DGKB: variants seen among roughly 807,000 people sequenced by gnomAD.
The protein encoded by DGKB is 90 kDa diacylglycerol kinase.
DGKB carries 67 observed loss-of-function variants against 114.3 expected under a neutral mutation model. The observed-to-expected ratio is 0.59, with a 90% CI of 0.48 to 0.72. DGKB has a LOEUF of 0.72. Among genes scored for constraint, DGKB ranks in the 30% least tolerant of loss-of-function variants. The pLI, the probability that DGKB is intolerant of heterozygous loss-of-function variation, is 0.00. For synonymous variants in DGKB, 398 were observed against 323.1 expected, an observed-to-expected ratio of 1.23 and a Z score of -2.49; for missense variants, 907 against 975.2, an observed-to-expected ratio of 0.93 and a Z score of 0.93.
intron 23 of DGKB, among the ~76,000 whole-genome samples, chr7:14,183,835 GAGC>G (rs1562557875): frequency 6.6e-6 from 1 of 152,180 alleles, no homozygotes; most frequent in Non-Finnish European, 1.5e-5. Flanking sequence ...GCTCCAGACA[GAGC>G]AGCTCGCATT....
At chr7:14,496,016 A>G (rs1428918928) in intron 20 of DGKB, among the ~76,000 whole-genome samples, 3 of 151,828 alleles carry the variant, frequency 2.0e-5, no homozygotes, top group African/African-American at 7.2e-5. Flanking sequence ...AATTCTAATC[A>G]ATATACTTTT....
intron 1 of DGKB, among the ~76,000 whole-genome samples, chr7:14,973,784 T>A (rs1320757288): frequency 1.3e-5 from 2 of 148,968 alleles, no homozygotes; most frequent in African/African-American, 4.9e-5. Context: ...CCAAAATAAA[T>A]AGTAAAATTT....
chr7:14,512,149 A>G (rs1156242154), intron 20 of DGKB, among the ~76,000 whole-genome samples: 1 of 152,258 alleles, frequency 6.6e-6, no homozygotes, highest in Non-Finnish European at 1.5e-5. Context: ...CCTTCAATTT[A>G]TAAAAAGCAC....
intron 1 of DGKB, among the ~76,000 whole-genome samples, chr7:14,845,250 G>T (rs1489660520): frequency 6.6e-6 from 1 of 151,914 alleles, no homozygotes; most frequent in Non-Finnish European, 1.5e-5. Context: ...TGCTAACCAT[G>T]TATCAAGGCT....
At chr7:14,789,734 T>A (rs1010712196) in intron 2 of DGKB, among the ~76,000 whole-genome samples, 3 of 152,134 alleles carry the variant, frequency 2.0e-5, no homozygotes, top group Non-Finnish European at 2.9e-5. Context: ...TAAAAAAAAA[T>A]TTTGCAGAGT....
At chr7:14,673,160 A>T (rs1819269779) in intron 12 of DGKB, 133 bp from the exon 13 acceptor site, 1 of 571,470 alleles carries the variant, frequency 1.7e-6, no homozygotes, top group Non-Finnish European at 3.0e-6. Context: ...AAATAAACAG[A>T]GTCATAAAGG....
In DGKB at chr7:14,524,390, C is replaced by T. The variant is rs76442608; in HGVS notation, c.1771-46165G>A. On this transcript the variant is annotated intron_variant, in intron 20 of 25. Coordinates refer to ENST00000402815, the MANE Select transcript of DGKB (RefSeq NM_001350709.2). ...CTTGCCAGGCTACTGAACTATCCCC[C>T]GTCTCTTGGGCTATCTTCAAACCCT... is the stretch of plus-strand genomic sequence containing the variant. Among the ~76,000 whole-genome samples the T allele has an allele frequency of 5.3e-3, 804 of 152,278 alleles. 6 individuals are homozygous for T. The highest frequency in any genetic ancestry group is 0.017 in the Middle Eastern group (5 of 294).
At chr7:14,829,022 A>C (rs980304932) in intron 2 of DGKB, among the ~76,000 whole-genome samples, 1 of 152,040 alleles carries the variant, frequency 6.6e-6, no homozygotes, top group African/African-American at 2.4e-5. Context: ...AAAAAAATAG[A>C]AATGGTTCAC....
intron 21 of DGKB, among the ~76,000 whole-genome samples, chr7:14,477,812 AC>A (rs1436548794): frequency 6.6e-6 from 1 of 152,090 alleles, no homozygotes; most frequent in African/African-American, 2.4e-5. Context: ...TCAAATCAGA[AC>A]CCTGTGTTTT....
intron 23 of DGKB, among the ~76,000 whole-genome samples, chr7:14,318,685 G>C (rs1045854343): frequency 2.6e-5 from 4 of 152,012 alleles, no homozygotes; most frequent in African/African-American, 9.7e-5. Context: ...TTACACTGTT[G>C]GTGGGACTGT....
intron 21 of DGKB, among the ~76,000 whole-genome samples, chr7:14,357,738 T>C (rs1814858809): frequency 1.3e-5 from 2 of 152,206 alleles, no homozygotes; most frequent in Non-Finnish European, 2.9e-5. Context: ...CTGATACCGG[T>C]TGTTCCTTTC....
At chr7:14,288,059 T>C (rs1481448179) in intron 23 of DGKB, among the ~76,000 whole-genome samples, 1 of 152,060 alleles carries the variant, frequency 6.6e-6, no homozygotes, top group African/African-American at 2.4e-5. Context: ...CTTGAGATGC[T>C]TATGGTTCTT....
At chr7:14,772,248 T>G (rs1241511378) in intron 2 of DGKB, among the ~76,000 whole-genome samples, 2 of 152,168 alleles carry the variant, frequency 1.3e-5, no homozygotes, top group African/African-American at 2.4e-5. Context: ...ATAAATCTCT[T>G]AAAACATTTT....
intron 1 of DGKB, among the ~76,000 whole-genome samples, chr7:14,859,765 T>A (rs931384484): frequency 1.3e-5 from 2 of 152,132 alleles, no homozygotes; most frequent in African/African-American, 4.8e-5. Context: ...TATCTCCCCG[T>A]ACCTCCTTCC....
intron 21 of DGKB, among the ~76,000 whole-genome samples, chr7:14,397,909 G>A (rs1414768517): frequency 2.0e-5 from 3 of 151,916 alleles, no homozygotes; most frequent in Non-Finnish European, 4.4e-5. Context: ...CAAGGAACTG[G>A]GAGTCTTCTC....
chr7:14,890,809 C>T (rs1781089977), intron 1 of DGKB, among the ~76,000 whole-genome samples: 1 of 150,788 alleles, frequency 6.6e-6, no homozygotes, highest in Non-Finnish European at 1.5e-5. Context: ...ACGTTCATCC[C>T]TCCTCTTTAT....
At chr7:14,663,088 A>T (rs539003128) in intron 13 of DGKB, among the ~76,000 whole-genome samples, 2 of 152,038 alleles carry the variant, frequency 1.3e-5, no homozygotes, top group Non-Finnish European at 2.9e-5. Flanking sequence ...AGCTCGCTTC[A>T]TATCACAAAA....
At chr7:14,906,146 A>G (rs1200003660), upstream of DGKB, among the ~76,000 whole-genome samples, 1 of 152,054 alleles carries the variant, frequency 6.6e-6, no homozygotes, top group African/African-American at 2.4e-5. Flanking sequence ...AGAAATTCAC[A>G]GCTCTCTCTC....
chr7:14,919,695 G>A (rs1784423221), intron 1 of DGKB, among the ~76,000 whole-genome samples: 2 of 152,134 alleles, frequency 1.3e-5, no homozygotes, highest in Admixed American at 6.6e-5. Flanking sequence ...GCTATTAAAC[G>A]TGATCCCCAG....
Sources: allele counts gnomAD v4.1 joint callset (sites outside exome capture counted in the v4.1 genomes callset), GRCh38; gene constraint gnomAD v4.1.1; transcripts MANE v1.5; gene names NCBI Gene and HGNC (gene_info 2026-07-23, HGNC 2026-07-21).